The following MMP28 variants were observed in gnomAD, a reference collection of about 807,000 sequenced individuals.
The protein encoded by MMP28 is matrix metallopeptidase 28.
In MMP28, 55 loss-of-function variants were observed where a neutral mutation model predicts 60.5. That is an observed-to-expected ratio of 0.91 (90% CI 0.73 to 1.14). The LOEUF (loss-of-function observed/expected upper bound fraction) is 1.14. Among genes scored for constraint, MMP28 ranks in the 50% most tolerant of loss-of-function variants. The pLI is 0.00. For missense variants in MMP28, 686 were observed against 738.3 expected (o/e 0.93, Z 0.82); for synonymous variants, 318 against 312.5 (o/e 1.02, Z -0.18).
At position 35,766,483 on chromosome 17, in the gene MMP28, G is replaced by A. The variant is rs1555603178; in HGVS notation, c.*17C>T. 4 of 1,562,008 alleles carry A rather than the reference G, an allele frequency of 2.6e-6. No homozygotes were observed. In the East Asian group the frequency reaches 6.9e-5, roughly 27 times the overall value. ...TGCCCTGAGAGCACCACCAGTTTCT[G>A]AGGTGAGGAGGTGCCTTCAGAACAG... On this transcript the variant is annotated 3_prime_UTR_variant, in exon 8 of 8. Transcript: ENST00000605424. This position sits in a 1 kb window ranked among gnomAD's most constrained non-coding sequence, Gnocchi z 4.3.
At chr17:35,769,710 C>A (rs916008121) in intron 5 of MMP28, among the ~76,000 whole-genome samples, 9 of 151,332 alleles carry the variant, frequency 5.9e-5, no homozygotes, top group African/African-American at 1.9e-4. Flanking sequence ...AGAGGTGGGC[C>A]CAAGGATTGG....
Position 35,766,033 on chromosome 17 carries a change from G to C in MMP28, c.*467C>G. 1.0e-6 allele frequency: 1 copy of C among 985,418 alleles called. No individual in the cohort carries two copies. 61.0% of individuals were successfully genotyped at this position (985,418 alleles called of 1,614,324 possible). A position where few individuals can be genotyped will look rare whatever the true frequency, so the allele number is the denominator to read the frequency against. On this transcript the variant is annotated 3_prime_UTR_variant, in exon 8 of 8. Coordinates refer to ENST00000605424, the MANE Select transcript of MMP28 (RefSeq NM_024302.5). The surrounding 1 kb of genome is among the most constrained non-coding windows in gnomAD (Gnocchi z 4.3). ...GCCTTCATCCCCATCCATGCTTCCT[G>C]GGGGTGGGGCCTCTGACTAAATATG...
intron 1 of MMP28, among the ~76,000 whole-genome samples, chr17:35,783,954 A>G (rs1010514778): frequency 3.2e-4 from 49 of 152,302 alleles, no homozygotes; most frequent in African/African-American, 1.2e-3. Flanking sequence ...AATGAGAAAA[A>G]GAAATTTTAA....
intron 3 of MMP28, among the ~76,000 whole-genome samples, chr17:35,774,979 A>T (rs564416407): frequency 6.6e-6 from 1 of 152,218 alleles, no homozygotes; most frequent in Admixed American, 6.5e-5. Context: ...CCTCTAATCC[A>T]TTAGCATAGT....
downstream of MMP28, chr17:35,764,620 C>A (rs1555602449): frequency 1.3e-6 from 2 of 1,574,592 alleles, no homozygotes. Flanking sequence ...AACTCCTGAG[C>A]GCCCCCGCTC....
intron 4 of MMP28, among the ~76,000 whole-genome samples, chr17:35,771,696 AATATATATATATATATAT>A (rs71366482): frequency 0.012 from 622 of 50,586 alleles, 17 homozygotes; most frequent in African/African-American, 0.028. Context: ...TATAGAAGTG[AATATATATATATATATAT>A]ATATATATAT....
chr17:35,790,528 T>C (rs1443470384), intron 1 of MMP28, among the ~76,000 whole-genome samples: 2 of 152,248 alleles, frequency 1.3e-5, no homozygotes, highest in Non-Finnish European at 2.9e-5. Context: ...GTTTACAGTA[T>C]TGTTCAAGTC....
chr17:35,779,481 A>C (rs1598452873), intron 1 of MMP28, 158 bp from the exon 2 acceptor site: 7 of 609,930 alleles, frequency 1.1e-5, no homozygotes, highest in Non-Finnish European at 2.0e-5. Flanking sequence ...GATTAAAGTC[A>C]AAAGGACCTG....
chr17:35,783,582 C>T (rs1237488776), intron 1 of MMP28, among the ~76,000 whole-genome samples: 1 of 152,158 alleles, frequency 6.6e-6, no homozygotes, highest in Non-Finnish European at 1.5e-5. Flanking sequence ...GGTCACAGGT[C>T]GGCATGGCTG....
At chr17:35,770,714 A>ATGTGTGTGTGTGTGTGTGTGTG (rs56074641) in intron 4 of MMP28, among the ~76,000 whole-genome samples, 1 of 147,546 alleles carries the variant, frequency 6.8e-6, no homozygotes, top group African/African-American at 2.5e-5. Context: ...TGAATAATAA[A>ATGTGTGTGTGTGTGTGTGTGTG]TGTGTGTGTG....
At position 35,770,098 on chromosome 17, in the gene MMP28, C is replaced by T. The variant is rs767304856; in HGVS notation, c.819G>A (p.Trp273Ter). Residue 273 changes from tryptophan to a stop codon, truncating the protein, a stop_gained, in exon 5 of 8, where the codon TGG becomes TGA. Transcript: ENST00000605424. LOFTEE classifies it high-confidence loss of function. ...KRLGRDALLS[W>*]DDVLAVQSLY... ...GGCTCTGCACGGCCAGCACGTCGTC[C>T]CAGCTGAGCAGCGCGTCGCGGCCCA... 3 of 1,598,742 alleles carry T rather than the reference C, an allele frequency of 1.9e-6. No homozygotes were observed. Among genetic ancestry groups the T allele is most frequent in the Non-Finnish European group, 1.7e-6 (2 of 1,173,416 alleles).
chr17:35,761,594 C>T (rs1484854261), downstream of MMP28, among the ~76,000 whole-genome samples: 2 of 151,980 alleles, frequency 1.3e-5, no homozygotes, highest in Admixed American at 1.3e-4. Context: ...ATAGTCTTAA[C>T]ATCTGCTTCA....
chr17:35,784,003 G>A (rs968894634), intron 1 of MMP28, among the ~76,000 whole-genome samples: 41 of 152,112 alleles, frequency 2.7e-4, no homozygotes, highest in Admixed American at 2.6e-3. Context: ...GCACTGAAGT[G>A]GCTGTGCGTA....
downstream of MMP28, chr17:35,764,523 A>G: frequency 6.3e-7 from 1 of 1,599,216 alleles, no homozygotes; most frequent in Non-Finnish European, 8.5e-7. Flanking sequence ...CTTCTGCAAG[A>G]AATGCAGGAG....
intron 1 of MMP28, among the ~76,000 whole-genome samples, chr17:35,783,052 T>C (rs1555609760): frequency 6.6e-6 from 1 of 152,086 alleles, no homozygotes; most frequent in African/African-American, 2.4e-5. Context: ...GGTCTTGATC[T>C]CCTGACCTTG....
downstream of MMP28, among the ~76,000 whole-genome samples, chr17:35,761,302 G>A (rs1870672569): frequency 6.6e-6 from 1 of 151,636 alleles, no homozygotes; most frequent in African/African-American, 2.4e-5. Context: ...GTAGAGATGG[G>A]GTTTCACTAT....
intron 5 of MMP28, 118 bp from the exon 6 acceptor site, chr17:35,768,497 G>A (rs1000582005): frequency 3.6e-6 from 3 of 823,452 alleles, no homozygotes; most frequent in African/African-American, 3.4e-5. Flanking sequence ...GGCAAGGAAG[G>A]AGAGTGGGAG....
chr17:35,768,794 A>G (rs547945746), intron 5 of MMP28, among the ~76,000 whole-genome samples: 2 of 152,158 alleles, frequency 1.3e-5, no homozygotes, highest in South Asian at 4.1e-4. Flanking sequence ...TGGGTGACAG[A>G]GCGAGACTCC....
At chr17:35,778,301 G>C (rs1187933458) in intron 3 of MMP28, among the ~76,000 whole-genome samples, 1 of 152,146 alleles carries the variant, frequency 6.6e-6, no homozygotes, top group Non-Finnish European at 1.5e-5. Context: ...GCTAGGGGAG[G>C]GGGAGAAGGG....
Sources: gnomAD v4.1 joint callset for allele counts (sites outside exome capture counted in the v4.1 genomes callset) on GRCh38, gnomAD v4.1.1 for gene constraint, Gnocchi (gnomAD v3.1) non-coding constraint, MANE v1.5 for transcripts, NCBI Gene and HGNC (gene_info 2026-07-23, HGNC 2026-07-21) for gene names.